The following EMSY variants were observed in gnomAD, a reference collection of about 807,000 sequenced individuals.
EMSY encodes BRCA2-interacting transcriptional repressor EMSY.
Under a neutral mutation model 134.6 loss-of-function variants are expected in EMSY, and 26 were observed. The observed-to-expected ratio is 0.19, with a 90% CI of 0.14 to 0.27. The LOEUF is 0.27. Among genes scored for constraint, EMSY ranks in the 10% least tolerant of loss-of-function variants. EMSY has a pLI of 1.00. For synonymous variants in EMSY, 579 were observed against 577.8 expected, an observed-to-expected ratio of 1.00 and a Z score of -0.03; for missense variants, 1,305 against 1,611.4, an observed-to-expected ratio of 0.81 and a Z score of 3.26.
At chr11:76,527,888 C>T (rs1450479730) in intron 13 of EMSY, among the ~76,000 whole-genome samples, 1 of 152,036 alleles carries the variant, frequency 6.6e-6, no homozygotes, top group Non-Finnish European at 1.5e-5. Flanking sequence ...TGGACTGATA[C>T]TGCAGCACAA....
chr11:76,522,886 T>C (rs1950697443), intron 11 of EMSY, among the ~76,000 whole-genome samples: 1 of 152,210 alleles, frequency 6.6e-6, no homozygotes, highest in South Asian at 2.1e-4. Flanking sequence ...ATATTGATGG[T>C]AAAACTGTTG....
At chr11:76,455,538 TC>T (rs1164758770) in intron 4 of EMSY, among the ~76,000 whole-genome samples, 25 of 152,176 alleles carry the variant, frequency 1.6e-4, no homozygotes, top group African/African-American at 5.8e-4. Context: ...CTGACTGCAT[TC>T]CCTTTCTCCT....
chr11:76,533,824 G>A (rs926523954), intron 14 of EMSY, among the ~76,000 whole-genome samples: 1 of 152,180 alleles, frequency 6.6e-6, no homozygotes, highest in Non-Finnish European at 1.5e-5. Flanking sequence ...ATAAGCACAT[G>A]TTACTGGTGC....
intron 8 of EMSY, among the ~76,000 whole-genome samples, chr11:76,481,284 C>G (rs1361479279): frequency 6.6e-6 from 1 of 152,096 alleles, no homozygotes; most frequent in Non-Finnish European, 1.5e-5. Context: ...ACCTTATGAT[C>G]CGCCCACCTT....
chr11:76,514,402 A>C (rs113941666), intron 10 of EMSY, among the ~76,000 whole-genome samples: 12 of 152,084 alleles, frequency 7.9e-5, no homozygotes, highest in Admixed American at 2.6e-4. Flanking sequence ...TACCTGTCTC[A>C]AGCTTATAAG....
At chr11:76,458,447 C>T (rs1244449159) in intron 5 of EMSY, 89 bp downstream of exon 6, 1 of 1,303,650 alleles carries the variant, frequency 7.7e-7, no homozygotes, top group Non-Finnish European at 1.0e-6. Flanking sequence ...TTTTCATCTA[C>T]TTTTATTCTA....
chr11:76,517,871 C>T (rs1044825474), intron 11 of EMSY, among the ~76,000 whole-genome samples: 19 of 152,074 alleles, frequency 1.2e-4, no homozygotes, highest in Non-Finnish European at 2.4e-4. Context: ...TTGTGTGGTG[C>T]TCATTATGTC....
At chr11:76,526,435 C>T in intron 12 of EMSY, 27 bp from the exon 14 acceptor site, 1 of 1,566,456 alleles carries the variant, frequency 6.4e-7, no homozygotes, top group Non-Finnish European at 8.7e-7. Flanking sequence ...ATATAAATCT[C>T]TTATATAATC....
rs1410863000 is a variant in EMSY, at chr11:76,537,398, TG to T, written c.2360-396del. Among the ~76,000 whole-genome samples, 5 of 152,236 alleles carry T rather than the reference TG, an allele frequency of 3.3e-5. No homozygotes were observed. The East Asian group carries it at 9.6e-4, about 29-fold the overall frequency. ...TGTGTTGTGCTATTCTGGGTAGATG[TG>T]TCCTAGAGCAAATCATGTTATGTAC... On this transcript the variant is annotated intron_variant, in intron 15 of 20. Transcript: ENST00000334736.
At chr11:76,467,238 C>G (rs893233402) in intron 7 of EMSY, among the ~76,000 whole-genome samples, 1 of 152,070 alleles carries the variant, frequency 6.6e-6, no homozygotes. Flanking sequence ...TCTGCTGTGC[C>G]CTGAATTTTT....
At chr11:76,510,749 A>T (rs1230918479) in intron 9 of EMSY, among the ~76,000 whole-genome samples, 1 of 152,204 alleles carries the variant, frequency 6.6e-6, no homozygotes, top group African/African-American at 2.4e-5. Context: ...TGAGTGCAGG[A>T]TGATATAATC....
chr11:76,521,593 T>C (rs987482974), intron 11 of EMSY, among the ~76,000 whole-genome samples: 5 of 151,826 alleles, frequency 3.3e-5, no homozygotes, highest in Admixed American at 2.0e-4. Context: ...TAAGACCCCA[T>C]CTCTACCAAA....
At chr11:76,528,807 A>G (rs1236379478) in intron 14 of EMSY, among the ~76,000 whole-genome samples, 1 of 152,090 alleles carries the variant, frequency 6.6e-6, no homozygotes, top group East Asian at 1.9e-4. Context: ...GAGAAAACGT[A>G]TGTAAAGAAG....
intron 8 of EMSY, among the ~76,000 whole-genome samples, chr11:76,476,663 A>G (rs555442933): frequency 2.6e-5 from 4 of 152,066 alleles, no homozygotes; most frequent in Non-Finnish European, 4.4e-5. Context: ...TGGTTTCTAA[A>G]TTCTTTTGAC....
At chr11:76,447,131 G>T in intron 2 of EMSY, 123 bp downstream of exon 2, 1 of 870,260 alleles carries the variant, frequency 1.1e-6, no homozygotes, top group Admixed American at 2.5e-5. Context: ...TGGAGATACA[G>T]TTCCCATCTT....
intron 9 of EMSY, among the ~76,000 whole-genome samples, chr11:76,510,240 C>T (rs1950226635): frequency 6.6e-6 from 1 of 152,180 alleles, no homozygotes; most frequent in Non-Finnish European, 1.5e-5. Flanking sequence ...GTATTCCCAG[C>T]TACTCTGAAG....
intron 9 of EMSY, among the ~76,000 whole-genome samples, chr11:76,501,909 C>G (rs1397371781): frequency 2.0e-5 from 3 of 151,354 alleles, no homozygotes; most frequent in Non-Finnish European, 4.4e-5. Context: ...AATTCAAAGA[C>G]AAAAAGAAAA....
intron 8 of EMSY, among the ~76,000 whole-genome samples, chr11:76,494,814 C>T (rs1949584470): frequency 6.6e-6 from 1 of 151,996 alleles, no homozygotes. Context: ...CGGTTCACTG[C>T]AACCTCTGCT....
chr11:76,453,410 C>A, intron 4 of EMSY, 22 bp downstream of exon 4: 1 of 1,604,888 alleles, frequency 6.2e-7, no homozygotes, highest in Non-Finnish European at 8.5e-7. Context: ...GTCGTACCAT[C>A]CCTGATTTTT....
Sources: allele counts gnomAD v4.1 joint callset (sites outside exome capture counted in the v4.1 genomes callset), GRCh38; gene constraint gnomAD v4.1.1; transcripts MANE v1.5; gene names NCBI Gene and HGNC (gene_info 2026-07-23, HGNC 2026-07-21).